Variants in TNS1 observed in about 807,000 individuals in gnomAD.
TNS1 encodes tensin 1, also known as tensin-1.
Under a neutral mutation model 168.6 loss-of-function variants are expected in TNS1, and 62 were observed. That is an observed-to-expected ratio of 0.37 (90% confidence interval 0.30 to 0.45). The LOEUF (loss-of-function observed/expected upper bound fraction) is 0.45. Among genes scored for constraint, TNS1 ranks in the 20% least tolerant of loss-of-function variants. The pLI, the probability that TNS1 is intolerant of heterozygous loss-of-function variation, is 1.00. For missense variants in TNS1, 2,240 were observed against 2,339.4 expected (o/e 0.96, Z 0.88); for synonymous variants, 934 against 933.2 (o/e 1.00, Z -0.02).
At chr2:217,984,824 C>T (rs1411902136) in intron 2 of TNS1, among the ~76,000 whole-genome samples, 1 of 150,366 alleles carries the variant, frequency 6.7e-6, no homozygotes, top group African/African-American at 2.5e-5. Flanking sequence ...GGCATGTTCT[C>T]GGCTCACTGC....
Position 217,809,804 on chromosome 2 carries a change from G to A in TNS1, c.5273+19C>T. 6.2e-7 allele frequency: 1 copy of A among 1,606,062 alleles called. No individual in the cohort carries two copies. Among genetic ancestry groups the A allele is most frequent in the Non-Finnish European group, 8.5e-7 (1 of 1,174,116 alleles). ...ACAGGAAGGAGAACCCCACCGAGGAGCAGGCAGGGGAGTCTTACTTTCTCT... is the reference window on the plus strand; with the variant it reads ...ACAGGAAGGAGAACCCCACCGAGGAACAGGCAGGGGAGTCTTACTTTCTCT... On this transcript the variant is annotated intron_variant, in intron 30 of 32. Transcript: ENST00000682258.
chr2:217,935,584 T>C (rs1184454688), intron 3 of TNS1, among the ~76,000 whole-genome samples: 1 of 152,194 alleles, frequency 6.6e-6, no homozygotes, highest in Non-Finnish European at 1.5e-5. Context: ...AAGCAGTTCG[T>C]GAGCCACCGA....
chr2:218,001,105 A>G (rs1190250106), intron 1 of TNS1, among the ~76,000 whole-genome samples: 2 of 152,066 alleles, frequency 1.3e-5, no homozygotes, highest in Non-Finnish European at 1.5e-5. Flanking sequence ...GTGAGCCAAG[A>G]TCATGCCATT....
In TNS1 at chr2:217,818,672, G is replaced by T. The variant is rs769933723; in HGVS notation, c.3660C>A (p.Arg1220=). 1 of 1,614,234 alleles carries T rather than the reference G, an allele frequency of 6.2e-7. No individual in the cohort carries two copies. Among genetic ancestry groups the T allele is most frequent in the South Asian group, 1.1e-5 (1 of 91,082 alleles). ...PTQPLLESGF[R]SGSLGQPSPS... is the part of the protein sequence containing the mutation. ...GGCTGGGCTGTCCCAGGCTGCCTGAGCGGAAGCCAGACTCCAACAGAGGCT... is the reference window on the plus strand; with the variant it reads ...GGCTGGGCTGTCCCAGGCTGCCTGATCGGAAGCCAGACTCCAACAGAGGCT... Residue 1220 remains arginine (R), a synonymous_variant, in exon 24 of 33, where the codon CGC becomes CGA. Transcript: ENST00000682258.
chr2:217,937,370 G>A (rs906353258), intron 3 of TNS1, among the ~76,000 whole-genome samples: 10 of 152,100 alleles, frequency 6.6e-5, no homozygotes, highest in Non-Finnish European at 1.3e-4. Context: ...GCACTGCCCC[G>A]GACCCAAGGA....
rs1950573383 is a variant in TNS1, at chr2:217,880,388, G to T, written c.1429+510C>A. Among the ~76,000 whole-genome samples, 1 of 152,168 alleles carries T rather than the reference G, an allele frequency of 6.6e-6. No homozygotes were observed. ...ACATTTTTGTTGGCTGTTGATGAAAGCTTGTAGGCCCTAGATCCTGTGCCT... is the reference window on the plus strand; with the variant it reads ...ACATTTTTGTTGGCTGTTGATGAAATCTTGTAGGCCCTAGATCCTGTGCCT... On this transcript the variant is annotated intron_variant, in intron 18 of 32. Coordinates refer to ENST00000682258, the MANE Select transcript of TNS1 (RefSeq NM_001387777.1). The surrounding 1 kb of genome is among the most constrained non-coding windows in gnomAD (Gnocchi z 4.2).
chr2:217,933,048 G>T (rs892116578), intron 3 of TNS1, among the ~76,000 whole-genome samples: 2 of 152,178 alleles, frequency 1.3e-5, no homozygotes, highest in African/African-American at 4.8e-5. Flanking sequence ...GTGGCGGGAA[G>T]CCCCCTCTCA....
chr2:218,026,595 C>T (rs1958851187), intron 1 of TNS1, among the ~76,000 whole-genome samples: 2 of 152,202 alleles, frequency 1.3e-5, no homozygotes, highest in Admixed American at 1.3e-4. Flanking sequence ...GAAAAGGTGG[C>T]TGTAGGGCAC....
chr2:217,930,995 G>T (rs1427668), intron 3 of TNS1, among the ~76,000 whole-genome samples: 1 of 152,124 alleles, frequency 6.6e-6, no homozygotes, highest in South Asian at 2.1e-4. Context: ...TGGTGTGAAA[G>T]GAGGTGACAG....
chr2:217,979,720 C>G (rs565774712), intron 2 of TNS1, among the ~76,000 whole-genome samples: 68 of 152,190 alleles, frequency 4.5e-4, no homozygotes, highest in African/African-American at 1.6e-3. Context: ...AGGGGTCTCC[C>G]GAGTTGGGTT....
At chr2:217,915,800 C>T (rs1167979180) in intron 4 of TNS1, among the ~76,000 whole-genome samples, 2 of 152,234 alleles carry the variant, frequency 1.3e-5, no homozygotes, top group African/African-American at 2.4e-5. Context: ...ACCCAGTTTG[C>T]TCCATGTACA....
chr2:217,945,561 A>G (rs1957083072), intron 3 of TNS1, among the ~76,000 whole-genome samples: 1 of 152,212 alleles, frequency 6.6e-6, no homozygotes, highest in African/African-American at 2.4e-5. Flanking sequence ...AGCTGGAAAG[A>G]GGGTCTGGGT....
chr2:218,007,327 C>T (rs767698036), upstream of TNS1, among the ~76,000 whole-genome samples: 1 of 152,150 alleles, frequency 6.6e-6, no homozygotes, highest in Non-Finnish European at 1.5e-5. Context: ...CCTACTAACC[C>T]TCATTTTGTA....
chr2:217,964,014 G>C (rs1267022213), intron 3 of TNS1, among the ~76,000 whole-genome samples: 2 of 151,728 alleles, frequency 1.3e-5, no homozygotes, highest in Non-Finnish European at 2.9e-5. Flanking sequence ...TCCCCACAAC[G>C]TAAGACAGCT....
intron 7 of TNS1, among the ~76,000 whole-genome samples, chr2:217,899,874 G>A (rs1952753403): frequency 6.6e-6 from 1 of 152,190 alleles, no homozygotes; most frequent in Admixed American, 6.5e-5. Context: ...CTGCAGGGCT[G>A]GCATCCCCAA....
In TNS1 at chr2:217,871,871, G is replaced by A. The variant is rs1574896711; in HGVS notation, c.1429+9027C>T. 3.3e-5 allele frequency among the ~76,000 whole-genome samples: 5 copies of A among 152,384 alleles called. No individual in the cohort carries two copies. The South Asian group carries it at 1.0e-3, about 32-fold the overall frequency. On this transcript the variant is annotated intron_variant, in intron 18 of 32. Transcript: ENST00000682258. The stretch of plus-strand genomic sequence containing the variant: ...TCTGAAACTCGGCCTCCCTCTCTGT[G>A]AGCAACCTTTCCAGGCTAATCCAGG...
intron 6 of TNS1, 66 bp downstream of exon 6, chr2:217,906,269 A>ACCCCCCCCCCTTCCCCCCTGCCACCCAGG: frequency 1.9e-6 from 1 of 514,446 alleles, no homozygotes; most frequent in South Asian, 1.7e-5. Context: ...TCCACCTCCC[A>ACCCCCCCCCCTTCCCCCCTGCCACCCAGG]CCCCACCCCA....
chr2:217,908,752 C>T (rs2125800606), intron 4 of TNS1, among the ~76,000 whole-genome samples: 1 of 152,228 alleles, frequency 6.6e-6, no homozygotes, highest in East Asian at 1.9e-4. Flanking sequence ...ACTTCCTGAG[C>T]AGTTCAGGGC....
chr2:217,851,248 C>T (rs1203302164), intron 18 of TNS1, among the ~76,000 whole-genome samples: 1 of 152,086 alleles, frequency 6.6e-6, no homozygotes, highest in African/African-American at 2.4e-5. Context: ...GCCCAAGGAT[C>T]AGCCCTTAGG....
Sources: gnomAD v4.1 joint callset for allele counts (sites outside exome capture counted in the v4.1 genomes callset) on GRCh38, gnomAD v4.1.1 for gene constraint, Gnocchi (gnomAD v3.1) non-coding constraint, MANE v1.5 for transcripts, NCBI Gene and HGNC (gene_info 2026-07-23, HGNC 2026-07-21) for gene names.